The following UGT1A6 variants were observed in gnomAD, a reference collection of about 807,000 sequenced individuals.
UGT1A6 encodes the protein UDP glucuronosyltransferase family 1 member A6, also known as UDP-glucuronosyltransferase 1A6.
UGT1A6 carries 32 observed loss-of-function variants against 44.4 expected under a neutral mutation model. The ratio of observed to expected loss-of-function variants is 0.72; its 90% confidence interval spans 0.54 to 0.97. The LOEUF is 0.97. Among genes scored for constraint, UGT1A6 ranks in the 50% least tolerant of loss-of-function variants. The pLI, the probability that UGT1A6 is intolerant of heterozygous loss-of-function variation, is 0.00. For missense variants in UGT1A6, 685 were observed against 661.9 expected, an observed-to-expected ratio of 1.03 and a Z score of -0.38; for synonymous variants, 238 against 248.5, an observed-to-expected ratio of 0.96 and a Z score of 0.40.
At chr2:233,712,747 C>T (rs1276228236) in intron 1 of UGT1A6, among the ~76,000 whole-genome samples, 3 of 152,002 alleles carry the variant, frequency 2.0e-5, no homozygotes, top group African/African-American at 7.3e-5. Context: ...TTGGATGTTC[C>T]CCAGAGCGAG....
intron 1 of UGT1A6, among the ~76,000 whole-genome samples, chr2:233,701,610 C>A (rs1237229756): frequency 2.0e-5 from 3 of 152,314 alleles, no homozygotes; most frequent in Admixed American, 6.5e-5. Context: ...CACTCCTCAG[C>A]AAACGTAAAA....
At chr2:233,743,929 G>C in intron 1 of UGT1A6, 1 of 1,360,304 alleles carries the variant, frequency 7.4e-7, no homozygotes, top group Non-Finnish European at 9.8e-7. Flanking sequence ...TGGATGGCCA[G>C]AACGGCCCAC....
chr2:233,743,195 G>C, intron 1 of UGT1A6: 2 of 380,014 alleles, frequency 5.3e-6, no homozygotes, highest in South Asian at 3.9e-5. Flanking sequence ...GAATTACTTG[G>C]TGTCAATGCG....
chr2:233,724,072 G>A (rs1233032648), intron 1 of UGT1A6, among the ~76,000 whole-genome samples: 2 of 94,580 alleles, frequency 2.1e-5, no homozygotes, highest in African/African-American at 6.0e-5. Flanking sequence ...GGTGGTGGCC[G>A]GGCAGAGGGG....
At chr2:233,767,618 CA>C (rs1300150978) in intron 2 of UGT1A6, among the ~76,000 whole-genome samples, 2 of 152,178 alleles carry the variant, frequency 1.3e-5, no homozygotes, top group Non-Finnish European at 2.9e-5. Flanking sequence ...CCTAAGTGCA[CA>C]GCTTGATAAA....
chr2:233,708,372 C>T (rs959388871), intron 1 of UGT1A6: 5 of 152,104 alleles, frequency 3.3e-5, no homozygotes, highest in African/African-American at 9.7e-5. Context: ...TTCATTTAAA[C>T]GTCTTTTGTG....
intron 1 of UGT1A6, among the ~76,000 whole-genome samples, chr2:233,720,460 C>G (rs1575532860): frequency 6.6e-6 from 1 of 151,992 alleles, no homozygotes; most frequent in Non-Finnish European, 1.5e-5. Context: ...GAAGCTGGGA[C>G]CAGTGATGAA....
intron 1 of UGT1A6, among the ~76,000 whole-genome samples, chr2:233,741,066 G>A (rs923933270): frequency 3.3e-5 from 5 of 151,838 alleles, no homozygotes; most frequent in Non-Finnish European, 7.3e-5. Context: ...GCTACAGAGC[G>A]AGACCCTGTC....
Position 233,751,190 on chromosome 2 carries a change from G to C in UGT1A6, c.862-15844G>C, listed in dbSNP as rs551144438. Among the ~76,000 whole-genome samples the C allele has an allele frequency of 1.2e-4, 18 of 152,080 alleles. 2 individuals carry two copies. Among genetic ancestry groups the C allele is most frequent in the African/African-American group, 4.4e-4 (18 of 41,324 alleles). ...CCTAGATATGAGACATGAAGTTAAA[G>C]GTGATAATTTTGGAGCTTTAAGATT... On this transcript the variant is annotated intron_variant, in intron 1 of 4. Transcript: ENST00000305139.
At chr2:233,719,572 A>G in intron 1 of UGT1A6, 1 of 1,613,858 alleles carries the variant, frequency 6.2e-7, no homozygotes. Flanking sequence ...CTTGTCAGCT[A>G]TGCATCCGTG....
intron 1 of UGT1A6, chr2:233,748,136 T>A: frequency 6.2e-7 from 1 of 1,609,324 alleles, no homozygotes; most frequent in Non-Finnish European, 8.5e-7. Context: ...TTTTAAAAAT[T>A]GTATTTACTT....
chr2:233,728,813 A>G (rs1159466657), intron 1 of UGT1A6, among the ~76,000 whole-genome samples: 11 of 152,216 alleles, frequency 7.2e-5, no homozygotes. Flanking sequence ...AGACAGTGAC[A>G]TGAAATGGGT....
At chr2:233,735,775 C>G (rs2363116) in intron 1 of UGT1A6, among the ~76,000 whole-genome samples, 81,728 of 152,006 alleles carry the variant, frequency 0.54, 23,611 homozygotes, top group African/African-American at 0.76. Context: ...ATGAAGCTTA[C>G]TTTGGCTGCA....
At chr2:233,733,959 G>A (rs561727271) in intron 1 of UGT1A6, among the ~76,000 whole-genome samples, 43 of 152,168 alleles carry the variant, frequency 2.8e-4, no homozygotes, top group African/African-American at 9.4e-4. Context: ...CCTGTTGTGG[G>A]GTAGGGGGAG....
intron 1 of UGT1A6, among the ~76,000 whole-genome samples, chr2:233,711,645 C>G (rs757300955): frequency 1.3e-4 from 20 of 152,188 alleles, no homozygotes; most frequent in Non-Finnish European, 2.5e-4. Context: ...CCCATGGGTT[C>G]TGTCCAAAGG....
At chr2:233,719,592 C>T (rs201293328) in intron 1 of UGT1A6, 161 of 1,613,882 alleles carry the variant, frequency 1.0e-4, no homozygotes, top group Non-Finnish European at 1.2e-4. Flanking sequence ...GTGGCTGTTC[C>T]GAGGGGACTT....
Position 233,768,248 on chromosome 2 carries a change from C to A in UGT1A6, c.1110C>A (p.Thr370=). The change falls in exon 4 of 5, where the codon ACC becomes ACA. Residue 370 remains threonine, a synonymous_variant. Transcript: ENST00000305139. ...LGHPMTRAFI[T]HAGSHGVYES... is the part of the protein sequence containing the mutation. Reference sequence around the variant, plus strand: ...ACCCGATGACCCGTGCCTTTATCACCCATGCTGGTTCCCATGGTGTTTATG... The same window carrying A: ...ACCCGATGACCCGTGCCTTTATCACACATGCTGGTTCCCATGGTGTTTATG... 1 of 1,614,138 alleles carries A rather than the reference C, an allele frequency of 6.2e-7. No homozygotes were observed. The highest frequency in any genetic ancestry group is 1.1e-5 in the South Asian group (1 of 91,084).
intron 1 of UGT1A6, chr2:233,760,692 G>A (rs541943163): frequency 1.2e-6 from 2 of 1,614,200 alleles, no homozygotes; most frequent in South Asian, 1.1e-5. Flanking sequence ...ACAACAAGGA[G>A]CTCATGGCCT....
intron 4 of UGT1A6, chr2:233,770,393 C>G (rs1386962280): frequency 3.3e-5 from 5 of 152,162 alleles, no homozygotes; most frequent in Admixed American, 3.3e-4. Context: ...GTGGCTCATG[C>G]CTGTAGTCCC....
Sources: gnomAD v4.1 joint callset for allele counts (sites outside exome capture counted in the v4.1 genomes callset) on GRCh38, gnomAD v4.1.1 for gene constraint, MANE v1.5 for transcripts, NCBI Gene and HGNC (gene_info 2026-07-23, HGNC 2026-07-21) for gene names.